The following NCAPG2 variants were observed in gnomAD, a reference collection of about 807,000 sequenced individuals.
NCAPG2 encodes the protein condensin-2 complex subunit G2.
A neutral mutation model predicts 141.1 loss-of-function variants in NCAPG2; 53 were observed. The observed-to-expected ratio is 0.38, with a 90% CI of 0.30 to 0.47. NCAPG2 has a LOEUF of 0.47. NCAPG2 is among the 20% of genes least tolerant of loss of function. The probability of loss-of-function intolerance (pLI) is 0.99; values close to 1 mark genes in which losing one functional copy is unlikely to be tolerated. For synonymous variants in NCAPG2, 499 were observed against 490.7 expected (o/e 1.02, Z -0.22); for missense variants, 1,087 against 1,389.0 (o/e 0.78, Z 3.46).
intron 15 of NCAPG2, 142 bp from the exon 16 acceptor site, chr7:158,662,509 A>G: frequency 1.5e-6 from 1 of 689,122 alleles, no homozygotes; most frequent in Non-Finnish European, 2.2e-6. Flanking sequence ...CCACTTTAGA[A>G]TCTTCTAGGG....
At chr7:158,663,239 G>A (rs947934663) in intron 15 of NCAPG2, among the ~76,000 whole-genome samples, 2 of 152,334 alleles carry the variant, frequency 1.3e-5, no homozygotes, top group Middle Eastern at 3.4e-3. Flanking sequence ...AAACTCCACC[G>A]ACCAAGAGCA....
chr7:158,631,467 T>C lies in NCAPG2; in HGVS notation c.*199A>G. The C allele has an allele frequency of 5.0e-6, 3 of 603,656 alleles. No individual in the cohort carries two copies. Among genetic ancestry groups the C allele is most frequent in the Non-Finnish European group, 8.7e-6 (3 of 343,214 alleles). The allele number at this position is 603,656 out of a possible 1,614,324, so 37.4% of individuals were successfully genotyped here. On this transcript the variant is annotated 3_prime_UTR_variant, in exon 28 of 28. Transcript: ENST00000356309. ...GGAGTCCTTTATATTAAATATATTA[T>C]TTACGCAGGCACTAGGCAAAATTGA...
chr7:158,661,192 G>A (rs748113890), intron 16 of NCAPG2, among the ~76,000 whole-genome samples: 1 of 152,172 alleles, frequency 6.6e-6, no homozygotes. Flanking sequence ...CCTTGAAAGG[G>A]TTAGAAAAGC....
chr7:158,683,386 C>T lies in NCAPG2; in HGVS notation c.838G>A (p.Ala280Thr). 1 of 1,600,158 alleles carries T rather than the reference C, an allele frequency of 6.2e-7. No homozygotes were observed. The highest frequency in any genetic ancestry group is 1.1e-5 in the South Asian group (1 of 88,876). ...TCCTGGATGCAATCATTTTCAATCGCCTGAAATAACAAATGCAATGCAAAG... is the reference window on the plus strand; with the variant it reads ...TCCTGGATGCAATCATTTTCAATCGTCTGAAATAACAAATGCAATGCAAAG... ...WKKASGKILE[A>T]IENDCIQDFM... The change falls in exon 9 of 28, where the codon GCG becomes ACG. Residue 280 changes from alanine to threonine, a missense_variant and splice_region_variant. Coordinates refer to ENST00000356309, the MANE Select transcript of NCAPG2 (RefSeq NM_017760.7).
intron 16 of NCAPG2, among the ~76,000 whole-genome samples, chr7:158,660,519 A>C (rs1158722316): frequency 6.6e-6 from 1 of 150,718 alleles, no homozygotes; most frequent in African/African-American, 2.4e-5. Flanking sequence ...TCTGGGCTCA[A>C]GCAATCCTGC....
chr7:158,673,804 G>A (rs1024274382), intron 12 of NCAPG2, among the ~76,000 whole-genome samples: 2 of 152,232 alleles, frequency 1.3e-5, no homozygotes, highest in African/African-American at 2.4e-5. Context: ...GCCAGCACTT[G>A]AAGAGTAAGA....
chr7:158,640,052 C>CAAAAAAAAAAAAAAAAAAAAAAAAACA (rs58368997), intron 27 of NCAPG2: 1 of 98,322 alleles, frequency 1.0e-5, no homozygotes, highest in Non-Finnish European at 2.0e-5. Flanking sequence ...GAATAAATGC[C>CAAAAAAAAAAAAAAAAAAAAAAAAACA]AAAAAAAAAA....
Position 158,690,562 on chromosome 7 carries a change from G to A in NCAPG2, c.537+6C>T. The A allele has an allele frequency of 6.2e-7, 1 of 1,612,256 alleles. No individual in the cohort carries two copies. The highest frequency in any genetic ancestry group is 2.2e-5 in the East Asian group (1 of 44,858). On this transcript the variant is annotated splice_donor_region_variant and intron_variant, in intron 5 of 27. Coordinates refer to ENST00000356309, the MANE Select transcript of NCAPG2 (RefSeq NM_017760.7). Reference sequence around the variant, plus strand: ...CTGTCTTTAAAAAAATAAAAAGTGAGCATACTGTCTTAGTCTCCAGACTCC... The same window carrying A: ...CTGTCTTTAAAAAAATAAAAAGTGAACATACTGTCTTAGTCTCCAGACTCC...
chr7:158,656,612 C>T lies in NCAPG2; in HGVS notation c.2154G>A (p.Gln718=), dbSNP rs17851792. 5.6e-3 allele frequency: 9,068 copies of T among 1,614,098 alleles called. 375 individuals carry two copies. In the African/African-American group the frequency reaches 0.1, roughly 18 times the overall value. The change falls in exon 18 of 28, where the codon CAG becomes CAA. Residue 718 remains glutamine, a synonymous_variant. Coordinates refer to ENST00000356309, the MANE Select transcript of NCAPG2 (RefSeq NM_017760.7). The part of the protein sequence containing the change: ...TLLDCLCSWG[Q]VGHILELVDN... ...CAACAAGCTCCAGAATGTGCCCCAC[C>T]TGCCCCCAGGAGCAGAGGCAATCCA...
In NCAPG2 at chr7:158,680,717, A is replaced by G. The variant is rs1416717588; in HGVS notation, c.1020+4T>C. On this transcript the variant is annotated splice_donor_region_variant and intron_variant, in intron 10 of 27. Transcript: ENST00000356309. Reference sequence around the variant, plus strand: ...AACACGGATAAACTATTTGAAATGTATACCTTTAATCCTCTCCAAAGGATG... The same window carrying G: ...AACACGGATAAACTATTTGAAATGTGTACCTTTAATCCTCTCCAAAGGATG... 3.9e-6 allele frequency: 6 copies of G among 1,519,592 alleles called. No individual in the cohort carries two copies. The highest frequency in any genetic ancestry group is 1.3e-5 in the South Asian group (1 of 74,286). 94.1% of individuals were successfully genotyped at this position (1,519,592 alleles called of 1,614,324 possible).
chr7:158,687,414 T>C lies in NCAPG2; in HGVS notation c.701A>G (p.Asn234Ser), dbSNP rs748272470. ...CATTTTGATGAAGTTGATATTCCAGTTGAAGAGACAACTAAGAAATCTTCT... is the reference window on the plus strand; with the variant it reads ...CATTTTGATGAAGTTGATATTCCAGCTGAAGAGACAACTAAGAAATCTTCT... Reference protein sequence around the residue: ...EGRRFLSCLFNWNINFIKMIH... With the variant: ...EGRRFLSCLFSWNINFIKMIH... Residue 234 changes from asparagine to serine, a missense_variant, in exon 7 of 28, where the codon AAC becomes AGC. Physicochemically the swap from Asn to Ser is conservative, Grantham distance 46. Coordinates refer to ENST00000356309, the MANE Select transcript of NCAPG2 (RefSeq NM_017760.7). The C allele has an allele frequency of 6.8e-6, 11 of 1,609,484 alleles. No homozygotes were observed. Among genetic ancestry groups the C allele is most frequent in the Admixed American group, 6.7e-5 (4 of 59,326 alleles).
chr7:158,655,165 C>T lies in NCAPG2; in HGVS notation c.2599G>A (p.Glu867Lys), dbSNP rs1378158011. ...ACCCTATGAAGCTTCAGGTAGTCTT[C>T]TTCTTGATCTTGAATAAAAGATAAA... Reference protein sequence around the residue: ...KILSFIQDQEEDYLKLHRVIY... With the variant: ...KILSFIQDQEKDYLKLHRVIY... Residue 867 changes from glutamate to lysine, a missense_variant, in exon 21 of 28, where the codon GAA becomes AAA. By Grantham distance (56) the Glu-to-Lys change is moderately conservative (BLOSUM62 1). Transcript: ENST00000356309. 1 of 1,614,006 alleles carries T rather than the reference C, an allele frequency of 6.2e-7. No homozygotes were observed. The highest frequency in any genetic ancestry group is 2.2e-5 in the East Asian group (1 of 44,882).
At chr7:158,657,079 TTTTA>T (rs1460641506) in intron 17 of NCAPG2, among the ~76,000 whole-genome samples, 3 of 152,204 alleles carry the variant, frequency 2.0e-5, no homozygotes, top group African/African-American at 7.2e-5. Flanking sequence ...TAAAAATAAT[TTTTA>T]TTGAGATAAT....
At chr7:158,702,736 G>A (rs1431377708) in intron 1 of NCAPG2, among the ~76,000 whole-genome samples, 5 of 152,134 alleles carry the variant, frequency 3.3e-5, no homozygotes, top group Admixed American at 2.6e-4. Flanking sequence ...CAATAATTAT[G>A]GGGACAGAGA....
chr7:158,641,471 A>G (rs1450827252), intron 27 of NCAPG2: 1 of 671,234 alleles, frequency 1.5e-6, no homozygotes, highest in African/African-American at 1.8e-5. Flanking sequence ...GTCCTAGCCA[A>G]TTGGGACTGA....
In NCAPG2 at chr7:158,664,148, G is replaced by A. The variant is rs767897179; in HGVS notation, c.1815+36C>T. 3 of 1,478,246 alleles carry A rather than the reference G, an allele frequency of 2.0e-6. No individual in the cohort carries two copies. In the South Asian group the frequency reaches 3.4e-5, roughly 17 times the overall value. 91.6% of individuals were successfully genotyped at this position (1,478,246 alleles called of 1,614,324 possible). A position where few individuals can be genotyped will look rare whatever the true frequency, so the allele number is the denominator to read the frequency against. On this transcript the variant is annotated intron_variant, in intron 15 of 27. Transcript: ENST00000356309. ...TGGCCCATGGGAGTGATGCCACTGA[G>A]GCACTATCTGCCCGGCCTGGCCCTG... is the stretch of plus-strand genomic sequence containing the variant.
chr7:158,658,257 C>T (rs1009002785), intron 17 of NCAPG2, 81 bp downstream of exon 17: 5 of 1,325,776 alleles, frequency 3.8e-6, no homozygotes, highest in Non-Finnish European at 5.1e-6. Flanking sequence ...ATGTTATGGT[C>T]TGCTGACATG....
At chr7:158,666,435 C>T (rs1443425836) in intron 13 of NCAPG2, among the ~76,000 whole-genome samples, 2 of 152,022 alleles carry the variant, frequency 1.3e-5, no homozygotes, top group African/African-American at 4.8e-5. Flanking sequence ...GAACCAAGTG[C>T]CTGAGCCACT....
chr7:158,704,568 C>T (rs531024181), intron 1 of NCAPG2, among the ~76,000 whole-genome samples, 156 bp downstream of exon 1: 1 of 152,330 alleles, frequency 6.6e-6, no homozygotes, highest in Admixed American at 6.5e-5. Context: ...CGTCCAGTTC[C>T]GTCAGAGGCA....
Sources: gnomAD v4.1 joint callset for allele counts (sites outside exome capture counted in the v4.1 genomes callset) on GRCh38, gnomAD v4.1.1 for gene constraint, MANE v1.5 for transcripts, NCBI Gene and HGNC (gene_info 2026-07-23, HGNC 2026-07-21) for gene names.